The following GSS variants were observed in gnomAD, a reference collection of about 807,000 sequenced individuals.
GSS encodes the protein GSH synthetase.
Under a neutral mutation model 60.4 loss-of-function variants are expected in GSS, and 34 were observed. The observed-to-expected ratio is 0.56, with a 90% CI of 0.43 to 0.75. The LOEUF is 0.75. Among genes scored for constraint, GSS ranks in the 30% least tolerant of loss-of-function variants. The pLI, the probability that GSS is intolerant of heterozygous loss-of-function variation, is 0.00. For synonymous variants in GSS, 224 were observed against 239.0 expected (o/e 0.94, Z 0.58); for missense variants, 499 against 595.1 (o/e 0.84, Z 1.68).
intron 3 of GSS, among the ~76,000 whole-genome samples, chr20:34,945,025 A>G (rs1250055183): frequency 6.6e-6 from 1 of 151,410 alleles, no homozygotes; most frequent in Non-Finnish European, 1.5e-5. Flanking sequence ...ATGTATTATT[A>G]TTTCTTTTTT....
chr20:34,945,321 C>T (rs1267818517), intron 3 of GSS, among the ~76,000 whole-genome samples: 1 of 151,392 alleles, frequency 6.6e-6, no homozygotes, highest in African/African-American at 2.4e-5. Context: ...CCGCGCCCAG[C>T]CTATATATAT....
At chr20:34,946,429 A>C (rs2081523687) in intron 2 of GSS, among the ~76,000 whole-genome samples, 1 of 152,264 alleles carries the variant, frequency 6.6e-6, no homozygotes, top group African/African-American at 2.4e-5. Context: ...CCTGTGAGGA[A>C]GATACTATTA....
chr20:34,948,782 C>CA (rs11411767), intron 2 of GSS, among the ~76,000 whole-genome samples: 58,112 of 135,870 alleles, frequency 0.43, 11,885 homozygotes, highest in Middle Eastern at 0.51. Context: ...GACTCTGTCT[C>CA]AAAAAAAAAA....
intron 3 of GSS, 56 bp downstream of exon 3, chr20:34,945,897 T>A: frequency 6.3e-7 from 1 of 1,583,308 alleles, no homozygotes; most frequent in Non-Finnish European, 8.7e-7. Context: ...CTCTGCAATC[T>A]TCCAGTTCCT....
At chr20:34,930,372 T>C (rs946267378) in intron 11 of GSS, among the ~76,000 whole-genome samples, 1 of 152,158 alleles carries the variant, frequency 6.6e-6, no homozygotes, top group East Asian at 1.9e-4. Context: ...GCAGAACTTA[T>C]TACTTCTGCC....
chr20:34,928,965 G>A lies in GSS; in HGVS notation c.1302-14C>T, dbSNP rs751351803. ...GTCTTTTCCTGCCTATAGAAATGGA[G>A]GCAGGGGACACACATCACCTGGACT... On this transcript the variant is annotated splice_polypyrimidine_tract_variant and intron_variant, in intron 12 of 12. Coordinates refer to ENST00000651619, the MANE Select transcript of GSS (RefSeq NM_000178.4). The A allele has an allele frequency of 6.2e-7, 1 of 1,612,678 alleles. No individual in the cohort carries two copies. The highest frequency in any genetic ancestry group is 8.5e-7 in the Non-Finnish European group (1 of 1,179,998).
At chr20:34,955,653 C>G (rs137896449) in intron 1 of GSS, 74 bp downstream of exon 1, 2 of 152,280 alleles carry the variant, frequency 1.3e-5, no homozygotes, top group Admixed American at 1.3e-4. Context: ...CAATCTCTTG[C>G]CAGACCCCTC....
intron 2 of GSS, among the ~76,000 whole-genome samples, chr20:34,948,234 T>A (rs2081538163): frequency 6.6e-6 from 1 of 152,192 alleles, no homozygotes; most frequent in Admixed American, 6.5e-5. Context: ...AGGGGTGACC[T>A]AATACCCTGA....
chr20:34,932,002 A>G lies in GSS; in HGVS notation c.966T>C (p.Pro322=). 1 of 1,614,222 alleles carries G rather than the reference A, an allele frequency of 6.2e-7. No homozygotes were observed. The highest frequency in any genetic ancestry group is 8.5e-7 in the Non-Finnish European group (1 of 1,180,024). Residue 322 remains proline (P), a synonymous_variant, in exon 10 of 13, where the codon CCT becomes CCC. Coordinates refer to ENST00000651619, the MANE Select transcript of GSS (RefSeq NM_000178.4). The stretch of plus-strand genomic sequence containing the variant: ...GGCGGGCCACAGCCTCAGGCTGGCC[A>G]GGGAGCAACATCTCCAGCATGCCCG... ...SRPGMLEMLL[P]GQPEAVARLR... is the part of the protein sequence containing the mutation.
In GSS at chr20:34,951,744, G is replaced by C; in HGVS notation, c.109C>G (p.Gln37Glu). The C allele has an allele frequency of 1.2e-6, 2 of 1,610,832 alleles. No homozygotes were observed. The highest frequency in any genetic ancestry group is 2.2e-5 in the South Asian group (2 of 90,326). Residue 37 changes from glutamine to glutamate, a missense_variant, in exon 2 of 13, where the codon CAG becomes GAG. Physicochemically the swap from Gln to Glu is conservative, Grantham distance 29 (BLOSUM62 2). Coordinates refer to ENST00000651619, the MANE Select transcript of GSS (RefSeq NM_000178.4). Reference protein sequence around the residue: ...LAEGVLLRTSQEPTSSEVVSY... With the variant: ...LAEGVLLRTSEEPTSSEVVSY... ...CTTACCTCCGAGGAAGTGGGCTCCTGTGAGGTCCTCAGCAATACTCCCTCA... is the reference window on the plus strand; with the variant it reads ...CTTACCTCCGAGGAAGTGGGCTCCTCTGAGGTCCTCAGCAATACTCCCTCA...
At chr20:34,942,439 A>G in intron 5 of GSS, 49 bp downstream of exon 5, 1 of 1,570,764 alleles carries the variant, frequency 6.4e-7, no homozygotes, top group Non-Finnish European at 8.7e-7. Context: ...CTGTACACCC[A>G]TCAGCATGTC....
intron 1 of GSS, among the ~76,000 whole-genome samples, chr20:34,953,893 C>T (rs2081589459): frequency 6.6e-6 from 1 of 152,200 alleles, no homozygotes; most frequent in Non-Finnish European, 1.5e-5. Context: ...AGGCGTGAGC[C>T]ACCCCGCCCA....
At chr20:34,933,269 T>G (rs1600379716) in intron 9 of GSS, among the ~76,000 whole-genome samples, 1 of 152,192 alleles carries the variant, frequency 6.6e-6, no homozygotes, top group East Asian at 1.9e-4. Context: ...TCCTGGCACT[T>G]TGTAGTTGCT....
intron 2 of GSS, among the ~76,000 whole-genome samples, chr20:34,950,691 C>G (rs1238156567): frequency 2.6e-5 from 4 of 152,068 alleles, no homozygotes; most frequent in Admixed American, 6.6e-5. Context: ...ATTGCTTGAA[C>G]CCAGGAGGCG....
chr20:34,953,407 G>A (rs2081584024), intron 1 of GSS, among the ~76,000 whole-genome samples: 1 of 152,150 alleles, frequency 6.6e-6, no homozygotes, highest in African/African-American at 2.4e-5. Context: ...TAATATCCCT[G>A]TTGAGTGAGA....
intron 6 of GSS, among the ~76,000 whole-genome samples, chr20:34,941,029 G>A (rs1006818946): frequency 1.3e-5 from 2 of 152,160 alleles, no homozygotes; most frequent in Non-Finnish European, 2.9e-5. Context: ...AGTAAGAGCT[G>A]AGAATTGGGA....
chr20:34,952,420 G>A (rs1227915781), intron 1 of GSS: 1 of 161,660 alleles, frequency 6.2e-6, no homozygotes, highest in Non-Finnish European at 1.4e-5. Context: ...CTGATGGGAA[G>A]GAGGGGTTGA....
At chr20:34,937,853 C>T (rs531123652) in intron 6 of GSS, among the ~76,000 whole-genome samples, 83 of 152,120 alleles carry the variant, frequency 5.5e-4, no homozygotes, top group Non-Finnish European at 9.6e-4. Context: ...TTTTCTTTTA[C>T]ATTTTATTTT....
intron 11 of GSS, among the ~76,000 whole-genome samples, chr20:34,929,903 G>GCT (rs2081387704): frequency 6.6e-6 from 1 of 152,124 alleles, no homozygotes; most frequent in South Asian, 2.1e-4. Context: ...CTCCACGCTT[G>GCT]CTCTCTCCCC....
Sources: gnomAD v4.1 joint callset for allele counts (sites outside exome capture counted in the v4.1 genomes callset) on GRCh38, gnomAD v4.1.1 for gene constraint, MANE v1.5 for transcripts, NCBI Gene and HGNC (gene_info 2026-07-23, HGNC 2026-07-21) for gene names.